MEIKIN: variants seen among roughly 807,000 people sequenced by gnomAD.
MEIKIN encodes meiosis-specific kinetochore protein.
In MEIKIN at chr5:131,849,179, G is replaced by A. The variant is rs181345975; in HGVS notation, c.975+2085C>T. Among the ~76,000 whole-genome samples, 8 of 152,172 alleles carry A rather than the reference G, an allele frequency of 5.3e-5. No homozygotes were observed. The East Asian group carries it at 9.7e-4, about 18-fold the overall frequency. ...GGGAGGTGACTGGATCATGGGAGTG[G>A]TACTTCACAGGGGTGGTCCCCAATT... On this transcript the variant is annotated intron_variant, in intron 11 of 12. Transcript: ENST00000442687.
At chr5:131,892,087 T>C (rs1293627773) in intron 8 of MEIKIN, among the ~76,000 whole-genome samples, 1 of 152,142 alleles carries the variant, frequency 6.6e-6, no homozygotes, top group African/African-American at 2.4e-5. Flanking sequence ...AGAGATCAGC[T>C]GTTAGTCTCA....
chr5:131,922,890 T>TAC (rs148848866), intron 5 of MEIKIN, among the ~76,000 whole-genome samples: 86 of 152,116 alleles, frequency 5.7e-4, no homozygotes, highest in African/African-American at 1.4e-3. Context: ...TTTAGTTTTA[T>TAC]ACACACACAC....
At chr5:131,876,956 T>C (rs1750624315) in intron 9 of MEIKIN, among the ~76,000 whole-genome samples, 1 of 127,718 alleles carries the variant, frequency 7.8e-6, no homozygotes, top group Non-Finnish European at 1.6e-5. Context: ...TGAGAACACA[T>C]GGACACAGGA....
chr5:131,834,801 C>A (rs1182235905), intron 11 of MEIKIN, among the ~76,000 whole-genome samples: 2 of 152,160 alleles, frequency 1.3e-5, no homozygotes, highest in African/African-American at 4.8e-5. Flanking sequence ...ATACCGATTT[C>A]ATTTCCCTTG....
intron 12 of MEIKIN, among the ~76,000 whole-genome samples, chr5:131,812,962 T>C (rs1773024967): frequency 1.3e-5 from 2 of 152,256 alleles, no homozygotes. Context: ...CAAGTTACCA[T>C]GTGACCCACA....
intron 6 of MEIKIN, among the ~76,000 whole-genome samples, chr5:131,917,658 A>T (rs1751434579): frequency 2.0e-5 from 3 of 152,194 alleles, no homozygotes; most frequent in Non-Finnish European, 4.4e-5. Context: ...TGATTAGTCA[A>T]GAAAATTTCT....
At chr5:131,931,238 T>C (rs73786708) in intron 5 of MEIKIN, among the ~76,000 whole-genome samples, 4,037 of 152,240 alleles carry the variant, frequency 0.027, 188 homozygotes, top group African/African-American at 0.092. Context: ...AAGACAGGTG[T>C]GACAGAAGGT....
At chr5:131,847,627 A>G (rs547946276) in intron 11 of MEIKIN, among the ~76,000 whole-genome samples, 1 of 152,236 alleles carries the variant, frequency 6.6e-6, no homozygotes, top group Non-Finnish European at 1.5e-5. Flanking sequence ...AATAATTGAT[A>G]GAATAACCAG....
At chr5:131,873,182 C>T (rs182854255) in intron 9 of MEIKIN, among the ~76,000 whole-genome samples, 131 of 152,202 alleles carry the variant, frequency 8.6e-4, no homozygotes, top group African/African-American at 3.1e-3. Context: ...CTAAATGCTC[C>T]AATTAAAAGA....
intron 11 of MEIKIN, among the ~76,000 whole-genome samples, chr5:131,836,582 T>C (rs777495840): frequency 3.3e-5 from 5 of 152,224 alleles, no homozygotes; most frequent in Admixed American, 6.5e-5. Context: ...TTTTTAATAA[T>C]TGCCATTCTA....
chr5:131,869,245 C>A lies in MEIKIN; in HGVS notation c.774+9733G>T, dbSNP rs140208454. Among the ~76,000 whole-genome samples the A allele has an allele frequency of 9.9e-4, 151 of 152,316 alleles. 1 individual carries two copies. The highest frequency in any genetic ancestry group is 2.5e-3 in the Admixed American group (39 of 15,308). ...TTTGTAGAAAATACCAACTTTTCTC[C>A]ATTATATTGCCTTTGCTCCTTTGTC... is the stretch of plus-strand genomic sequence containing the variant. On this transcript the variant is annotated intron_variant, in intron 9 of 12. Coordinates refer to ENST00000442687, the MANE Select transcript of MEIKIN (RefSeq NM_001303622.2).
At chr5:131,884,686 T>C (rs998574892) in intron 8 of MEIKIN, among the ~76,000 whole-genome samples, 3 of 152,082 alleles carry the variant, frequency 2.0e-5, no homozygotes, top group Non-Finnish European at 4.4e-5. Flanking sequence ...GCACCTTAGA[T>C]ACCAGCTCAG....
chr5:131,876,064 C>A (rs964296202), intron 9 of MEIKIN, among the ~76,000 whole-genome samples: 16 of 152,176 alleles, frequency 1.1e-4, no homozygotes, highest in Non-Finnish European at 1.8e-4. Flanking sequence ...CTAGGCAATA[C>A]CATTCAGGAT....
intron 11 of MEIKIN, among the ~76,000 whole-genome samples, chr5:131,827,303 G>T (rs1049818390): frequency 4.5e-4 from 68 of 151,898 alleles, no homozygotes; most frequent in Non-Finnish European, 1.8e-4. Flanking sequence ...TTTTTTCAAT[G>T]AATCAAAAAT....
At chr5:131,880,475 C>G (rs1459521331) in intron 8 of MEIKIN, among the ~76,000 whole-genome samples, 3 of 151,852 alleles carry the variant, frequency 2.0e-5, no homozygotes, top group Non-Finnish European at 2.9e-5. Context: ...CTCCTGACCT[C>G]AAGTGATCCG....
chr5:131,842,883 G>T (rs923806416), intron 11 of MEIKIN, among the ~76,000 whole-genome samples: 1 of 152,122 alleles, frequency 6.6e-6, no homozygotes, highest in African/African-American at 2.4e-5. Flanking sequence ...CCTCCACACT[G>T]CCCTAGTAGA....
At chr5:131,905,544 T>C (rs1400049892) in intron 8 of MEIKIN, among the ~76,000 whole-genome samples, 2 of 151,718 alleles carry the variant, frequency 1.3e-5, no homozygotes, top group African/African-American at 2.4e-5. Flanking sequence ...ACTAGCTAGA[T>C]TAAGAAAAGA....
chr5:131,882,307 A>G (rs1349132729), intron 8 of MEIKIN, among the ~76,000 whole-genome samples: 1 of 152,210 alleles, frequency 6.6e-6, no homozygotes, highest in Admixed American at 6.5e-5. Context: ...GGAACTTAGA[A>G]AAGTACCACC....
intron 4 of MEIKIN, among the ~76,000 whole-genome samples, chr5:131,934,206 C>A (rs1580914421): frequency 6.6e-6 from 1 of 150,612 alleles, no homozygotes. Flanking sequence ...CATGATCCAC[C>A]TGCCTCGGCC....
Sources: allele counts gnomAD v4.1 joint callset (sites outside exome capture counted in the v4.1 genomes callset), GRCh38; gene constraint gnomAD v4.1.1; transcripts MANE v1.5; gene names NCBI Gene and HGNC (gene_info 2026-07-23, HGNC 2026-07-21).